Variants in KRT79 observed in about 807,000 individuals in gnomAD.
The protein encoded by KRT79 is keratin 79.
A neutral mutation model predicts 49.0 loss-of-function variants in KRT79; 51 were observed. The ratio of observed to expected loss-of-function variants is 1.04; its 90% CI spans 0.83 to 1.31. The LOEUF (loss-of-function observed/expected upper bound fraction) is 1.31, where lower values mean the gene tolerates loss of function less well. KRT79 is among the 40% of genes most tolerant of loss of function. The pLI, the probability that KRT79 is intolerant of heterozygous loss-of-function variation, is 0.00. For synonymous variants in KRT79, 312 were observed against 286.6 expected (o/e 1.09, Z -0.90); for missense variants, 728 against 688.0 (o/e 1.06, Z -0.65).
Position 52,832,915 on chromosome 12 carries a change from G to C in KRT79, c.477+869C>G, listed in dbSNP as rs150385838. 1.1e-4 allele frequency among the ~76,000 whole-genome samples: 17 copies of C among 152,300 alleles called. No individual in the cohort carries two copies. In the East Asian group the frequency reaches 3.3e-3, roughly 29 times the overall value. ...ATTTCTGAGTCTTCATAGAAGCACT[G>C]TGGGTACCTCAGGAGAAAAGGGATG... On this transcript the variant is annotated intron_variant, in intron 1 of 8. Coordinates refer to ENST00000330553, the MANE Select transcript of KRT79 (RefSeq NM_175834.3).
chr12:52,830,592 G>A (rs1266367991), intron 2 of KRT79: 9 of 357,984 alleles, frequency 2.5e-5, no homozygotes, highest in African/African-American at 1.8e-4. Context: ...AAGTGAAGAT[G>A]TGTCAACAGT....
intron 2 of KRT79, among the ~76,000 whole-genome samples, chr12:52,831,014 A>G (rs1454914707): frequency 6.6e-6 from 1 of 152,136 alleles, no homozygotes; most frequent in African/African-American, 2.4e-5. Context: ...AAATGACAAG[A>G]TGTCTGGGAT....
In KRT79 at chr12:52,824,295, T is replaced by C. The variant is rs1441764973; in HGVS notation, c.923A>G (p.Asn308Ser). Residue 308 changes from asparagine to serine, a missense_variant, in exon 5 of 9, where the codon AAC becomes AGC. Physicochemically the swap from Asn to Ser is conservative, Grantham distance 46 (BLOSUM62 1). Coordinates refer to ENST00000330553, the MANE Select transcript of KRT79 (RefSeq NM_175834.3). ...GGCGATGATGCTGTCCAGGTCCAGG[T>C]TGCGGTTGTTGTCCATGGACAGCAC... ...NVVLSMDNNRNLDLDSIIAEV... is the reference protein window; with the variant it reads ...NVVLSMDNNRSLDLDSIIAEV... 1.2e-6 allele frequency: 2 copies of C among 1,614,068 alleles called. No individual in the cohort carries two copies. The highest frequency in any genetic ancestry group is 2.2e-5 in the East Asian group (1 of 44,890).
At position 52,834,030 on chromosome 12, in the gene KRT79, T is replaced by C. The variant is rs980934138; in HGVS notation, c.231A>G (p.Gly77=). The change falls in exon 1 of 9, where the codon GGA becomes GGG. Residue 77 remains glycine (G), a synonymous_variant. Coordinates refer to ENST00000330553, the MANE Select transcript of KRT79 (RefSeq NM_175834.3). ...CCAGAGCCCGCCCCAACAAGGCCCC[T>C]CCGGCCACACTGACAGAGATACTCT... is the stretch of plus-strand genomic sequence containing the variant. The part of the protein sequence containing the change: ...GHKSISVSVA[G]GALLGRALGG... 2 of 1,612,976 alleles carry C rather than the reference T, an allele frequency of 1.2e-6. No homozygotes were observed. Among genetic ancestry groups the C allele is most frequent in the African/African-American group, 2.7e-5 (2 of 74,726 alleles).
chr12:52,832,863 C>T (rs932135067), intron 1 of KRT79, among the ~76,000 whole-genome samples: 12 of 152,284 alleles, frequency 7.9e-5, no homozygotes, highest in African/African-American at 2.2e-4. Context: ...TCAATTTTCT[C>T]ATCTCAAAAA....
At chr12:52,830,207 A>G (rs1320132985) in intron 3 of KRT79, 25 bp downstream of exon 3, 1 of 1,613,424 alleles carries the variant, frequency 6.2e-7, no homozygotes, top group African/African-American at 1.3e-5. Flanking sequence ...CCAAAGGACC[A>G]CCTCCCCCAC....
chr12:52,832,953 G>A (rs758306049), intron 1 of KRT79, among the ~76,000 whole-genome samples: 4 of 152,154 alleles, frequency 2.6e-5, no homozygotes, highest in South Asian at 2.1e-4. Flanking sequence ...CATGTTCTTC[G>A]GAAACACACA....
At chr12:52,822,182 A>G in intron 8 of KRT79, 105 bp from the exon 9 acceptor site, 1 of 1,343,198 alleles carries the variant, frequency 7.4e-7, no homozygotes, top group Non-Finnish European at 1.1e-6. Flanking sequence ...CAGCAGAGCT[A>G]TGGGAAATGG....
At position 52,834,064 on chromosome 12, in the gene KRT79, C is replaced by A. The variant is rs1159313707; in HGVS notation, c.197G>T (p.Gly66Val). ...ACTGACAGAGATACTCTTGTGGCCC[C>A]CCAAGTTATAGAGGCTTCGGCTGCC... ...GFGSRSLYNL[G>V]GHKSISVSVA... is the part of the protein sequence containing the mutation. The change falls in exon 1 of 9, where the codon GGG (glycine) becomes GTG (valine). Residue 66 changes from glycine (G) to valine (V), a missense_variant. Gly to Val is a moderately radical substitution (Grantham distance 109, BLOSUM62 -3). Coordinates refer to ENST00000330553, the MANE Select transcript of KRT79 (RefSeq NM_175834.3). 3.7e-6 allele frequency: 6 copies of A among 1,613,572 alleles called. No homozygotes were observed. The highest frequency in any genetic ancestry group is 5.1e-6 in the Non-Finnish European group (6 of 1,179,948).
Position 52,833,856 on chromosome 12 carries a change from G to A in KRT79, c.405C>T (p.Ile135=), listed in dbSNP as rs898816670. 1.9e-6 allele frequency: 3 copies of A among 1,613,980 alleles called. No individual in the cohort carries two copies. The highest frequency in any genetic ancestry group is 1.7e-5 in the Admixed American group (1 of 60,000). Residue 135 remains isoleucine, a synonymous_variant, in exon 1 of 9, where the codon ATC becomes ATT. Coordinates refer to ENST00000330553, the MANE Select transcript of KRT79 (RefSeq NM_175834.3). ...CCCGCTCCTGAGTGCGCACTCGCTG[G>A]ATCTCGGGGTCAATCTCCACATGGA... is the stretch of plus-strand genomic sequence containing the variant. The part of the protein sequence containing the change: ...TPLHVEIDPE[I]QRVRTQEREQ...
intron 7 of KRT79, among the ~76,000 whole-genome samples, chr12:52,822,600 C>T (rs1214743217): frequency 2.0e-5 from 3 of 152,224 alleles, no homozygotes; most frequent in African/African-American, 7.2e-5. Flanking sequence ...CCATCCTCCC[C>T]TTTTCTTTCC....
At chr12:52,830,436 G>T (rs1403327009) in intron 2 of KRT79, 144 bp from the exon 3 acceptor site, 1 of 651,666 alleles carries the variant, frequency 1.5e-6, no homozygotes. Flanking sequence ...TAGCCAACCA[G>T]TGAAGAAACA....
intron 6 of KRT79, 100 bp from the exon 7 acceptor site, chr12:52,823,336 C>T (rs891914726): frequency 1.1e-6 from 1 of 914,980 alleles, no homozygotes; most frequent in Non-Finnish European, 1.7e-6. Flanking sequence ...ACATCCCTGC[C>T]CCCAACCAGC....
intron 1 of KRT79, among the ~76,000 whole-genome samples, chr12:52,832,635 G>T (rs1217480885): frequency 6.6e-6 from 1 of 152,160 alleles, no homozygotes; most frequent in African/African-American, 2.4e-5. Flanking sequence ...AAGACGGCTT[G>T]CTTCATATTC....
Position 52,833,881 on chromosome 12 carries a change from A to AG in KRT79, c.379dup (p.Leu127ProfsTer6), listed in dbSNP as rs765343549. ...GATCTCGGGGTCAATCTCCACATGG[A>AG]GGGGGGTCAGCAGGCTCTGGTTGAC... On this transcript the variant is annotated frameshift_variant, in exon 1 of 9. Coordinates refer to ENST00000330553, the MANE Select transcript of KRT79 (RefSeq NM_175834.3). LOFTEE classifies it high-confidence loss of function. 1.2e-6 allele frequency: 2 copies of AG among 1,613,732 alleles called. No homozygotes were observed. The highest frequency in any genetic ancestry group is 1.7e-6 in the Non-Finnish European group (2 of 1,179,908).
intron 6 of KRT79, among the ~76,000 whole-genome samples, chr12:52,823,659 T>C (rs1423930268): frequency 6.6e-6 from 1 of 152,150 alleles, no homozygotes; most frequent in Non-Finnish European, 1.5e-5. Flanking sequence ...TCAGTTTCCT[T>C]GGAGAAGGTT....
intron 2 of KRT79, 67 bp downstream of exon 2, chr12:52,831,339 C>T: frequency 6.8e-7 from 1 of 1,478,052 alleles, no homozygotes; most frequent in Middle Eastern, 1.7e-4. Flanking sequence ...ATGGGGTGGC[C>T]CTCTTGGCAG....
chr12:52,833,652 G>C (rs1592319878), intron 1 of KRT79, 132 bp downstream of exon 1: 6 of 792,550 alleles, frequency 7.6e-6, no homozygotes, highest in East Asian at 2.4e-5. Context: ...GGCTCAGACC[G>C]GGAGAGCTCC....
At chr12:52,832,216 T>C (rs1940265696) in intron 1 of KRT79, among the ~76,000 whole-genome samples, 1 of 152,102 alleles carries the variant, frequency 6.6e-6, no homozygotes, top group Non-Finnish European at 1.5e-5. Context: ...TGCAGTGAGC[T>C]ATGACTGTAC....
Sources: gnomAD v4.1 joint callset for allele counts (sites outside exome capture counted in the v4.1 genomes callset) on GRCh38, gnomAD v4.1.1 for gene constraint, MANE v1.5 for transcripts, NCBI Gene and HGNC (gene_info 2026-07-23, HGNC 2026-07-21) for gene names.